The following SDHAF4 variants were observed in gnomAD, a reference collection of about 807,000 sequenced individuals.
The protein encoded by SDHAF4 is succinate dehydrogenase complex assembly factor 4.
In SDHAF4, 14 loss-of-function variants were observed where a neutral mutation model predicts 14.3. That is an observed-to-expected ratio of 0.98 (90% CI 0.65 to 1.53). The LOEUF is 1.53. Among genes scored for constraint, SDHAF4 ranks in the 40% most tolerant of loss-of-function variants. The probability of loss-of-function intolerance (pLI) is 0.00; values close to 1 mark genes in which losing one functional copy is unlikely to be tolerated. For synonymous variants in SDHAF4, 63 were observed against 47.3 expected (o/e 1.33, Z -1.36); for missense variants, 141 against 129.3 (o/e 1.09, Z -0.44).
rs112697907 is a variant in SDHAF4 at position 70,566,991 on chromosome 6, G to T, written c.51G>T (p.Ala17=). The change falls in exon 1 of 3, where the codon GCG becomes GCT. Residue 17 remains alanine, a synonymous_variant. Coordinates refer to ENST00000370474, the MANE Select transcript of SDHAF4 (RefSeq NM_145267.3). ...TGCTTAGCTGGGTCTCGGCCACGGCGTGGAGAGCGGCAAGTAAGCACCTGG... is the reference window on the plus strand; with the variant it reads ...TGCTTAGCTGGGTCTCGGCCACGGCTTGGAGAGCGGCAAGTAAGCACCTGG... The part of the protein sequence containing the change: ...PWLLSWVSAT[A]WRAARSPLLC... 1 of 1,589,566 alleles carries T rather than the reference G, an allele frequency of 6.3e-7. No individual in the cohort carries two copies. The highest frequency in any genetic ancestry group is 8.6e-7 in the Non-Finnish European group (1 of 1,168,176).
chr6:70,579,828 A>C (rs984357621), intron 2 of SDHAF4, among the ~76,000 whole-genome samples: 2 of 152,158 alleles, frequency 1.3e-5, no homozygotes, highest in Admixed American at 1.3e-4. Context: ...AAAATATATA[A>C]GTTGAGACCT....
intron 1 of SDHAF4, among the ~76,000 whole-genome samples, chr6:70,573,676 T>TC (rs1802215907): frequency 6.6e-6 from 1 of 151,488 alleles, no homozygotes; most frequent in East Asian, 1.9e-4. Flanking sequence ...TTCTTTTTTT[T>TC]ATTTTTTTTT....
At chr6:70,568,119 A>G (rs762297350) in intron 1 of SDHAF4, among the ~76,000 whole-genome samples, 1 of 152,208 alleles carries the variant, frequency 6.6e-6, no homozygotes, top group Non-Finnish European at 1.5e-5. Flanking sequence ...AAATACAAAC[A>G]TTTTACTTAA....
chr6:70,567,146 C>T (rs113757730), intron 1 of SDHAF4, 142 bp downstream of exon 1: 1 of 828,874 alleles, frequency 1.2e-6, no homozygotes, highest in Non-Finnish European at 1.8e-6. Flanking sequence ...CCCGCCCAGC[C>T]GCCCACCCGG....
At chr6:70,589,628 A>G (rs1203005978), downstream of SDHAF4, 1 of 152,186 alleles carries the variant, frequency 6.6e-6, no homozygotes, top group African/African-American at 2.4e-5. Context: ...TAAATAATAC[A>G]TTATAGTTTG....
chr6:70,598,352 G>A, the SDHAF4 span, among the ~76,000 whole-genome samples: 3 of 152,056 alleles, frequency 2.0e-5, no homozygotes, highest in South Asian at 2.1e-4. Context: ...GCACTCCAGC[G>A]TGGGCAACAC....
intron 1 of SDHAF4, among the ~76,000 whole-genome samples, chr6:70,576,128 C>A (rs1802252587): frequency 6.6e-6 from 1 of 152,196 alleles, no homozygotes; most frequent in Non-Finnish European, 1.5e-5. Context: ...ACTACCAACA[C>A]CCCTGGCAGG....
chr6:70,594,157 A>C (rs540036927), downstream of SDHAF4, among the ~76,000 whole-genome samples: 1 of 152,248 alleles, frequency 6.6e-6, no homozygotes, highest in Non-Finnish European at 1.5e-5. Flanking sequence ...GCAGGATCAC[A>C]GATAAGACTT....
At position 70,588,745 on chromosome 6, in the gene SDHAF4, A is replaced by T; in HGVS notation, c.*21A>T. On this transcript the variant is annotated 3_prime_UTR_variant, in exon 3 of 3. Transcript: ENST00000370474. ...TTTAAGTCGCATATTCTTTAACTTC[A>T]ATATTGTTTTCTGAATATGTACATC... The T allele has an allele frequency of 1.4e-6, 2 of 1,392,004 alleles. No homozygotes were observed. Among genetic ancestry groups the T allele is most frequent in the Non-Finnish European group, 2.0e-6 (2 of 991,262 alleles). The allele number at this position is 1,392,004 out of a possible 1,614,324, so 86.2% of individuals were successfully genotyped here.
Position 70,566,951 on chromosome 6 carries a change from C to G in SDHAF4, c.11C>G (p.Ser4Trp), listed in dbSNP as rs746539021. 19 of 1,587,854 alleles carry G rather than the reference C, an allele frequency of 1.2e-5. No homozygotes were observed. Among genetic ancestry groups the G allele is most frequent in the Non-Finnish European group, 1.5e-5 (17 of 1,167,386 alleles). Residue 4 changes from serine to tryptophan, a missense_variant, in exon 1 of 3, where the codon TCG (serine) becomes TGG (tryptophan). Physicochemically the swap from Ser to Trp is radical, Grantham distance 177. Transcript: ENST00000370474. Reference sequence around the variant, plus strand: ...CGGGGAGTCGGCGCCATGACCCCATCGAGGCTTCCCTGGTTGCTTAGCTGG... The same window carrying G: ...CGGGGAGTCGGCGCCATGACCCCATGGAGGCTTCCCTGGTTGCTTAGCTGG... Reference protein sequence around the residue: MTPSRLPWLLSWVS... With the variant: MTPWRLPWLLSWVS...
At chr6:70,577,535 T>C (rs1417754162) in intron 1 of SDHAF4, among the ~76,000 whole-genome samples, 1 of 152,214 alleles carries the variant, frequency 6.6e-6, no homozygotes, top group Non-Finnish European at 1.5e-5. Flanking sequence ...CATTTACGCA[T>C]TGCAGACACC....
chr6:70,569,459 A>G (rs1429134830), intron 1 of SDHAF4, among the ~76,000 whole-genome samples: 1 of 151,844 alleles, frequency 6.6e-6, no homozygotes, highest in African/African-American at 2.4e-5. Context: ...TGGTAGAGAC[A>G]GGGTTTTGCC....
intron 1 of SDHAF4, among the ~76,000 whole-genome samples, chr6:70,567,863 T>G (rs951514706): frequency 2.0e-5 from 3 of 152,080 alleles, no homozygotes; most frequent in Non-Finnish European, 2.9e-5. Context: ...TTTTTTGTAT[T>G]TTTAGTAGAG....
At chr6:70,583,351 G>A (rs554896259) in intron 2 of SDHAF4, among the ~76,000 whole-genome samples, 2 of 152,302 alleles carry the variant, frequency 1.3e-5, no homozygotes, top group African/African-American at 4.8e-5. Context: ...GACCTCAGGT[G>A]ATCCACCTGC....
At chr6:70,591,334 ATT>A (rs76350573), downstream of SDHAF4, among the ~76,000 whole-genome samples, 63 of 101,262 alleles carry the variant, frequency 6.2e-4, no homozygotes, top group Non-Finnish European at 8.9e-4. Context: ...GAGAGGAAAG[ATT>A]TTTTTTTTTT....
intron 1 of SDHAF4, among the ~76,000 whole-genome samples, chr6:70,569,185 C>G (rs113940408): frequency 0.17 from 26,235 of 151,136 alleles, 2,363 homozygotes; most frequent in Middle Eastern, 0.21. Flanking sequence ...AGGATGGTCT[C>G]GATCTCCTGA....
At chr6:70,575,932 G>A (rs990080787) in intron 1 of SDHAF4, among the ~76,000 whole-genome samples, 4 of 152,106 alleles carry the variant, frequency 2.6e-5, no homozygotes, top group Non-Finnish European at 5.9e-5. Flanking sequence ...GCTATTTCCC[G>A]TGTAGTCGAG....
chr6:70,567,339 C>A, intron 1 of SDHAF4: 1 of 310,416 alleles, frequency 3.2e-6, no homozygotes. Context: ...TTCGATGCCC[C>A]AGAGAAAAAT....
intron 2 of SDHAF4, among the ~76,000 whole-genome samples, chr6:70,583,400 A>C (rs1765158831): frequency 6.6e-6 from 1 of 152,210 alleles, no homozygotes; most frequent in African/African-American, 2.4e-5. Flanking sequence ...GGTGTGAGCC[A>C]CCATGCCTGG....
Sources: gnomAD v4.1 joint callset for allele counts (sites outside exome capture counted in the v4.1 genomes callset) on GRCh38, gnomAD v4.1.1 for gene constraint, MANE v1.5 for transcripts, NCBI Gene and HGNC (gene_info 2026-07-23, HGNC 2026-07-21) for gene names.